MORN5: variants seen among roughly 807,000 people sequenced by gnomAD.
MORN5 encodes MORN repeat containing 5.
Under a neutral mutation model 22.1 loss-of-function variants are expected in MORN5, and 21 were observed. The ratio of observed to expected loss-of-function variants is 0.95; its 90% CI spans 0.67 to 1.37. The LOEUF is 1.37. Among genes scored for constraint, MORN5 ranks in the 40% most tolerant of loss-of-function variants. MORN5 has a pLI of 0.00. For missense variants in MORN5, 211 were observed against 215.1 expected, an observed-to-expected ratio of 0.98 and a Z score of 0.12; for synonymous variants, 73 against 74.0, an observed-to-expected ratio of 0.99 and a Z score of 0.07.
chr9:122,178,481 C>G lies in MORN5; in HGVS notation c.439+3854C>G, dbSNP rs144270641. 1.4e-4 allele frequency among the ~76,000 whole-genome samples: 22 copies of G among 152,144 alleles called. No homozygotes were observed. In the East Asian group the frequency reaches 4.3e-3, roughly 29 times the overall value. On this transcript the variant is annotated intron_variant, in intron 4 of 4. Coordinates refer to ENST00000373764, the MANE Select transcript of MORN5 (RefSeq NM_198469.4). Reference sequence around the variant, plus strand: ...CCAGCCTGGGTGATACAGCGAGACCCCCTCTCAAAACAAAACAAAACAAAA... The same window carrying G: ...CCAGCCTGGGTGATACAGCGAGACCGCCTCTCAAAACAAAACAAAACAAAA...
At chr9:122,183,248 T>C (rs1011543270) in intron 4 of MORN5, among the ~76,000 whole-genome samples, 5 of 152,186 alleles carry the variant, frequency 3.3e-5, no homozygotes, top group African/African-American at 7.2e-5. Context: ...GTAGACTAAC[T>C]CTAGCCCTTC....
chr9:122,177,348 A>C (rs1278450740), intron 4 of MORN5, among the ~76,000 whole-genome samples: 1 of 152,252 alleles, frequency 6.6e-6, no homozygotes, highest in Non-Finnish European at 1.5e-5. Flanking sequence ...GCCGGCTGGC[A>C]AAACTAATGT....
At chr9:122,180,736 T>C (rs1829526163) in intron 4 of MORN5, among the ~76,000 whole-genome samples, 1 of 152,232 alleles carries the variant, frequency 6.6e-6, no homozygotes, top group Non-Finnish European at 1.5e-5. Flanking sequence ...ACTCCACTGC[T>C]TTGCCTGGGT....
At chr9:122,192,564 T>C (rs1238318112) in intron 4 of MORN5, among the ~76,000 whole-genome samples, 1 of 152,256 alleles carries the variant, frequency 6.6e-6, no homozygotes, top group Non-Finnish European at 1.5e-5. Flanking sequence ...GCTGCACTAA[T>C]GTCACCTGGT....
At chr9:122,169,873 G>A in intron 3 of MORN5, 117 bp downstream of exon 3, 1 of 749,522 alleles carries the variant, frequency 1.3e-6, no homozygotes, top group Non-Finnish European at 2.3e-6. Context: ...AACTGAGCAG[G>A]CGTAGAAGAA....
chr9:122,189,984 A>T (rs78778447), intron 4 of MORN5, among the ~76,000 whole-genome samples: 118 of 152,080 alleles, frequency 7.8e-4, no homozygotes, highest in African/African-American at 2.6e-3. Context: ...GGACCTTCCT[A>T]AGAGATTTCC....
At chr9:122,172,610 G>C (rs775295779) in intron 3 of MORN5, among the ~76,000 whole-genome samples, 80 of 152,088 alleles carry the variant, frequency 5.3e-4, no homozygotes, top group Non-Finnish European at 7.1e-4. Flanking sequence ...TCCCACACTA[G>C]GTAAGGTCTC....
chr9:122,160,844 T>C (rs1292312741), intron 1 of MORN5, among the ~76,000 whole-genome samples: 1 of 152,174 alleles, frequency 6.6e-6, no homozygotes, highest in Non-Finnish European at 1.5e-5. Context: ...CTCATACTCC[T>C]GGGCTCAAGT....
At chr9:122,189,182 G>A (rs558457798) in intron 4 of MORN5, among the ~76,000 whole-genome samples, 3 of 151,384 alleles carry the variant, frequency 2.0e-5, no homozygotes, top group South Asian at 2.1e-4. Context: ...GTGACAGAGC[G>A]AGACTCCATC....
intron 3 of MORN5, among the ~76,000 whole-genome samples, chr9:122,171,947 T>A (rs1331379503): frequency 6.4e-3 from 124 of 19,510 alleles, no homozygotes; most frequent in Middle Eastern, 0.025. Flanking sequence ...CACTTCCATC[T>A]TTTTTTTTTT....
intron 4 of MORN5, among the ~76,000 whole-genome samples, chr9:122,178,478 A>AC (rs1458673573): frequency 6.6e-6 from 1 of 152,178 alleles, no homozygotes; most frequent in African/African-American, 2.4e-5. Context: ...ATACAGCGAG[A>AC]CCCCCTCTCA....
chr9:122,192,910 C>T (rs943470734), intron 4 of MORN5, among the ~76,000 whole-genome samples: 1 of 152,210 alleles, frequency 6.6e-6, no homozygotes, highest in Non-Finnish European at 1.5e-5. Context: ...GCTTTTATGT[C>T]CCCAAATTTA....
intron 1 of MORN5, among the ~76,000 whole-genome samples, chr9:122,160,410 A>G (rs918675890): frequency 3.3e-5 from 5 of 151,604 alleles, no homozygotes; most frequent in Non-Finnish European, 7.4e-5. Context: ...GAGACTGGCT[A>G]ATCTGAATCT....
chr9:122,168,315 C>T (rs1829317229), intron 2 of MORN5, among the ~76,000 whole-genome samples: 1 of 152,186 alleles, frequency 6.6e-6, no homozygotes, highest in Non-Finnish European at 1.5e-5. Flanking sequence ...TTCTTACCCC[C>T]TGGTATTTGT....
At chr9:122,192,534 AGCT>A (rs922275603) in intron 4 of MORN5, among the ~76,000 whole-genome samples, 16 of 148,420 alleles carry the variant, frequency 1.1e-4, no homozygotes, top group African/African-American at 4.2e-4. Context: ...TTTTTCCCCC[AGCT>A]GTGCACTGAC....
At chr9:122,174,269 G>T (rs1011899019) in intron 3 of MORN5, among the ~76,000 whole-genome samples, 2 of 152,190 alleles carry the variant, frequency 1.3e-5, no homozygotes, top group African/African-American at 2.4e-5. Flanking sequence ...GGAAGAAGAA[G>T]ACAGAGGGTC....
chr9:122,179,351 T>C (rs1829500804), intron 4 of MORN5, among the ~76,000 whole-genome samples: 1 of 152,210 alleles, frequency 6.6e-6, no homozygotes, highest in African/African-American at 2.4e-5. Flanking sequence ...ATTTGTTCTT[T>C]AGAAAGACTT....
At chr9:122,161,887 C>T (rs1031897123) in intron 1 of MORN5, among the ~76,000 whole-genome samples, 2 of 152,172 alleles carry the variant, frequency 1.3e-5, no homozygotes, top group African/African-American at 4.8e-5. Flanking sequence ...TTGTCTGGTA[C>T]CTCTGTAACC....
chr9:122,171,610 G>A (rs1175651329), intron 3 of MORN5, among the ~76,000 whole-genome samples: 1 of 152,002 alleles, frequency 6.6e-6, no homozygotes, highest in African/African-American at 2.4e-5. Flanking sequence ...CACCTGTATT[G>A]GTCGTTCTCA....
Sources: allele counts gnomAD v4.1 joint callset (sites outside exome capture counted in the v4.1 genomes callset), GRCh38; gene constraint gnomAD v4.1.1; transcripts MANE v1.5; gene names NCBI Gene and HGNC (gene_info 2026-07-23, HGNC 2026-07-21).